The following SNTG1 variants were observed in gnomAD, a reference collection of about 807,000 sequenced individuals.
The protein encoded by SNTG1 is syntrophin gamma 1.
SNTG1 carries 39 observed loss-of-function variants against 74.7 expected under a neutral mutation model. The ratio of observed to expected loss-of-function variants is 0.52; its 90% CI spans 0.40 to 0.68. The LOEUF (loss-of-function observed/expected upper bound fraction) is 0.68, where lower values mean the gene tolerates loss of function less well. Ranked by LOEUF, SNTG1 falls within the 30% of genes least tolerant of loss-of-function variation. The pLI is 0.00. For missense variants in SNTG1, 685 were observed against 609.5 expected (o/e 1.12, Z -1.30); for synonymous variants, 254 against 217.1 (o/e 1.17, Z -1.49).
chr8:50,484,234 T>C (rs1219974705), intron 8 of SNTG1, among the ~76,000 whole-genome samples: 1 of 149,386 alleles, frequency 6.7e-6, no homozygotes, highest in East Asian at 2.0e-4. Flanking sequence ...CTTTTTTTTT[T>C]ATGGAGTTTC....
chr8:50,044,033 T>C lies in SNTG1; in HGVS notation c.-102-128528T>C, dbSNP rs75872635. Among the ~76,000 whole-genome samples, 774 of 152,296 alleles carry C rather than the reference T, an allele frequency of 5.1e-3. 9 individuals are homozygous for C. The highest frequency in any genetic ancestry group is 0.017 in the African/African-American group (717 of 41,562). ...CTTTATTATCATTCTGACATCTCTC[T>C]GAATAGTCACCTTTATGTAATACTA... On this transcript the variant is annotated intron_variant, in intron 1 of 18. Transcript: ENST00000642720.
At chr8:50,700,014 A>G (rs978896652) in intron 15 of SNTG1, among the ~76,000 whole-genome samples, 1 of 152,204 alleles carries the variant, frequency 6.6e-6, no homozygotes, top group Admixed American at 6.5e-5. Flanking sequence ...CTATTAATAA[A>G]TAAAAGAGAG....
At chr8:50,007,128 C>T (rs1815313099) in intron 1 of SNTG1, among the ~76,000 whole-genome samples, 1 of 152,074 alleles carries the variant, frequency 6.6e-6, no homozygotes, top group African/African-American at 2.4e-5. Flanking sequence ...TGGTTTGCCT[C>T]AACTTGCTTG....
chr8:49,925,191 C>T (rs768040955), intron 1 of SNTG1, among the ~76,000 whole-genome samples: 4 of 151,998 alleles, frequency 2.6e-5, no homozygotes, highest in Non-Finnish European at 5.9e-5. Context: ...ATTACAGATG[C>T]AGCTATGCAC....
chr8:50,318,254 G>A (rs1356343203), intron 2 of SNTG1, among the ~76,000 whole-genome samples: 1 of 149,548 alleles, frequency 6.7e-6, no homozygotes, highest in Admixed American at 6.9e-5. Context: ...CATGTGCACG[G>A]CAATCTACAA....
intron 8 of SNTG1, among the ~76,000 whole-genome samples, chr8:50,479,508 T>C (rs2093723080): frequency 6.6e-6 from 1 of 152,204 alleles, no homozygotes; most frequent in African/African-American, 2.4e-5. Context: ...TTTCTTTCTT[T>C]TCCCATTGAC....
intron 4 of SNTG1, among the ~76,000 whole-genome samples, chr8:50,409,476 T>C (rs1030781929): frequency 6.6e-6 from 1 of 152,222 alleles, no homozygotes; most frequent in Non-Finnish European, 1.5e-5. Flanking sequence ...TATCAAAACG[T>C]AGGCAGCAAT....
Position 50,037,441 on chromosome 8 carries a change from A to G in SNTG1, c.-103+125210A>G, listed in dbSNP as rs16914209. Among the ~76,000 whole-genome samples the G allele has an allele frequency of 1.3e-3, 204 of 152,328 alleles. 2 individuals are homozygous for G. Among genetic ancestry groups the G allele is most frequent in the African/African-American group, 4.7e-3 (195 of 41,574 alleles). ...CCAGGACCTCAAAATAAGAGTTGTC[A>G]TCTGGTTCACTCGTGCTCCCTAATG... On this transcript the variant is annotated intron_variant, in intron 1 of 18. Coordinates refer to ENST00000642720, the MANE Select transcript of SNTG1 (RefSeq NM_018967.5).
intron 1 of SNTG1, among the ~76,000 whole-genome samples, chr8:50,023,279 C>A (rs1025287474): frequency 6.6e-6 from 1 of 152,080 alleles, no homozygotes; most frequent in Non-Finnish European, 1.5e-5. Flanking sequence ...ATTCCATTAC[C>A]TCATCATTTT....
intron 1 of SNTG1, among the ~76,000 whole-genome samples, chr8:50,049,383 G>C (rs1472450104): frequency 6.6e-6 from 1 of 152,040 alleles, no homozygotes. Context: ...TATCAAATAG[G>C]TCATTATATA....
rs544707451 is a variant in SNTG1 at position 49,956,457 on chromosome 8, G to A, written c.-103+44226G>A. On this transcript the variant is annotated intron_variant, in intron 1 of 18. Coordinates refer to ENST00000642720, the MANE Select transcript of SNTG1 (RefSeq NM_018967.5). ...GTGTTAAAACTAATGTGGGTGGTAA[G>A]TAAGTTTGGTTCAGCTGTGAAATTG... 1.1e-4 allele frequency among the ~76,000 whole-genome samples: 16 copies of A among 152,302 alleles called. No individual in the cohort carries two copies. The Middle Eastern group carries it at 0.01, about 97-fold the overall frequency.
At chr8:50,391,243 C>T (rs966539075) in intron 2 of SNTG1, among the ~76,000 whole-genome samples, 2 of 152,064 alleles carry the variant, frequency 1.3e-5, no homozygotes, top group African/African-American at 4.8e-5. Flanking sequence ...GAGATATGTC[C>T]CATCGATACC....
intron 4 of SNTG1, among the ~76,000 whole-genome samples, chr8:50,425,500 G>C (rs2093152011): frequency 1.3e-5 from 2 of 151,992 alleles, no homozygotes; most frequent in Admixed American, 1.3e-4. Flanking sequence ...CAAGCTGAGG[G>C]CTCTCACTGA....
intron 1 of SNTG1, among the ~76,000 whole-genome samples, chr8:50,101,148 A>G (rs1451003498): frequency 6.6e-6 from 1 of 152,080 alleles, no homozygotes; most frequent in African/African-American, 2.4e-5. Flanking sequence ...TCCATGGTAT[A>G]TATGTACCAC....
intron 2 of SNTG1, among the ~76,000 whole-genome samples, chr8:50,278,218 A>T (rs1406973317): frequency 3.9e-5 from 6 of 152,138 alleles, no homozygotes; most frequent in African/African-American, 7.2e-5. Context: ...ATAAAAATTA[A>T]TTCCATGAAT....
intron 13 of SNTG1, among the ~76,000 whole-genome samples, chr8:50,653,787 C>T (rs191399813): frequency 1.5e-4 from 23 of 152,218 alleles, no homozygotes; most frequent in Admixed American, 3.3e-4. Context: ...TTTCAAGGAT[C>T]TAGAAGGTCA....
chr8:49,969,832 G>T (rs537320344), intron 1 of SNTG1, among the ~76,000 whole-genome samples: 15 of 152,096 alleles, frequency 9.9e-5, no homozygotes, highest in Middle Eastern at 3.4e-3. Context: ...AATTTGAAAA[G>T]TTGCTATTTC....
intron 1 of SNTG1, among the ~76,000 whole-genome samples, chr8:50,090,035 G>A (rs894290906): frequency 2.6e-5 from 4 of 152,222 alleles, no homozygotes; most frequent in African/African-American, 9.6e-5. Flanking sequence ...CCCAGGGCTA[G>A]GGCCGTAAGA....
At chr8:50,609,247 C>A (rs991315021) in intron 13 of SNTG1, among the ~76,000 whole-genome samples, 1 of 151,934 alleles carries the variant, frequency 6.6e-6, no homozygotes, top group Non-Finnish European at 1.5e-5. Context: ...GCTGTGAATT[C>A]TCTCACTTCT....
Sources: gnomAD v4.1 joint callset for allele counts (sites outside exome capture counted in the v4.1 genomes callset) on GRCh38, gnomAD v4.1.1 for gene constraint, MANE v1.5 for transcripts, NCBI Gene and HGNC (gene_info 2026-07-23, HGNC 2026-07-21) for gene names.